The following CCNF variants were observed in gnomAD, a reference collection of about 807,000 sequenced individuals.
The protein encoded by CCNF is cyclin F.
In CCNF, 30 loss-of-function variants were observed where a neutral mutation model predicts 85.4. The ratio of observed to expected loss-of-function variants is 0.35; its 90% CI spans 0.26 to 0.48. The LOEUF is 0.48. Among genes scored for constraint, CCNF ranks in the 20% least tolerant of loss-of-function variants. CCNF has a pLI of 0.99. For synonymous variants in CCNF, 439 were observed against 425.1 expected (o/e 1.03, Z -0.40); for missense variants, 919 against 1,010.4 (o/e 0.91, Z 1.23).
Position 2,452,652 on chromosome 16 carries a change from T to C in CCNF, c.1488-558T>C, listed in dbSNP as rs1240521457. The C allele has an allele frequency of 6.5e-6, 1 of 153,706 alleles. No homozygotes were observed. Among genetic ancestry groups the C allele is most frequent in the Non-Finnish European group, 1.4e-5 (1 of 69,060 alleles). 9.5% of individuals were successfully genotyped at this position (153,706 alleles called of 1,614,324 possible). ...ACAATCAAATTGATGACATTTTCAC[T>C]TTCCCCAAAGGGACAACACACCCCT... On this transcript the variant is annotated intron_variant, in intron 13 of 16. Transcript: ENST00000397066. The surrounding 1 kb of genome is among the most constrained non-coding windows in gnomAD (Gnocchi z 4.1).
At position 2,443,724 on chromosome 16, in the gene CCNF, C is replaced by A; in HGVS notation, c.853C>A (p.Gln285Lys). The A allele has an allele frequency of 6.2e-7, 1 of 1,614,010 alleles. No individual in the cohort carries two copies. Among genetic ancestry groups the A allele is most frequent in the Non-Finnish European group, 8.5e-7 (1 of 1,179,890 alleles). Reference sequence around the variant, plus strand: ...GAGAGCTTCCAGTGAGATCGTCTGCCAGCTATTTCAGGCTTCCCAGGCTGT... The same window carrying A: ...GAGAGCTTCCAGTGAGATCGTCTGCAAGCTATTTCAGGCTTCCCAGGCTGT... Reference protein sequence around the residue: ...EVRASSEIVCQLFQASQAVSK... With the variant: ...EVRASSEIVCKLFQASQAVSK... Residue 285 changes from glutamine (Q) to lysine (K), a missense_variant, in exon 9 of 17, where the codon CAG (glutamine) becomes AAG (lysine). Around this residue, in one of 3 missense-constraint regions of CCNF, gnomAD observed 410 missense variants for 478.6 expected, o/e 0.86. Transcript: ENST00000397066.
chr16:2,449,941 T>C (rs2065385223), intron 13 of CCNF, 26 bp downstream of exon 13: 1 of 1,528,526 alleles, frequency 6.5e-7, no homozygotes, highest in Non-Finnish European at 9.1e-7. Flanking sequence ...GCGCAGAGGC[T>C]CATGCCTGTA....
intron 9 of CCNF, among the ~76,000 whole-genome samples, chr16:2,444,817 G>A (rs1351390384): frequency 6.6e-6 from 1 of 151,746 alleles, no homozygotes; most frequent in Non-Finnish European, 1.5e-5. Flanking sequence ...GGCTAGTCTT[G>A]AACTCCTGGG....
Position 2,456,595 on chromosome 16 carries a change from G to C in CCNF, c.1936G>C (p.Glu646Gln), listed in dbSNP as rs1387406238. Residue 646 changes from glutamate to glutamine, a missense_variant, in exon 17 of 17, where the codon GAA becomes CAA. By Grantham distance (29) the Glu-to-Gln change is conservative. Transcript: ENST00000397066. The surrounding 1 kb of genome is among the most constrained non-coding windows in gnomAD (Gnocchi z 4.5). ...LDVTVVYLNP[E>Q]QHCCQESSDE... ...TGTCACCGTGGTCTACCTGAACCCAGAACAGCATTGCTGCCAGGAATCCAG... is the reference window on the plus strand; with the variant it reads ...TGTCACCGTGGTCTACCTGAACCCACAACAGCATTGCTGCCAGGAATCCAG... The C allele has an allele frequency of 3.1e-6, 5 of 1,594,238 alleles. No homozygotes were observed. Among genetic ancestry groups the C allele is most frequent in the Non-Finnish European group, 4.3e-6 (5 of 1,171,672 alleles).
In CCNF at chr16:2,453,091, C is replaced by A; in HGVS notation, c.1488-119C>A. On this transcript the variant is annotated intron_variant, in intron 13 of 16. Coordinates refer to ENST00000397066, the MANE Select transcript of CCNF (RefSeq NM_001761.3). This position sits in a 1 kb window ranked among gnomAD's most constrained non-coding sequence, Gnocchi z 5.6. ...TGAGTTTAACCATTCGGGGAACTGC[C>A]AGGTCAGATTCCAGAGTGACTGCAC... The A allele has an allele frequency of 2.5e-6, 2 of 809,834 alleles. No individual in the cohort carries two copies. Among genetic ancestry groups the A allele is most frequent in the Non-Finnish European group, 4.2e-6 (2 of 475,340 alleles). 50.2% of individuals were successfully genotyped at this position (809,834 alleles called of 1,614,324 possible). A position where few individuals can be genotyped will look rare whatever the true frequency, so the allele number is the denominator to read the frequency against.
chr16:2,439,506 G>A lies in CCNF; in HGVS notation c.699+49G>A, dbSNP rs371399576. 782 of 1,339,040 alleles carry A rather than the reference G, an allele frequency of 5.8e-4. 9 individuals are homozygous for A. In the South Asian group the frequency reaches 8.8e-3, roughly 15 times the overall value. 82.9% of individuals were successfully genotyped at this position (1,339,040 alleles called of 1,614,324 possible). A position where few individuals can be genotyped will look rare whatever the true frequency, so the allele number is the denominator to read the frequency against. On this transcript the variant is annotated intron_variant, in intron 7 of 16. Coordinates refer to ENST00000397066, the MANE Select transcript of CCNF (RefSeq NM_001761.3). ...GGGGGGAGTTATGCTGGACAAAGGC[G>A]TAGTTGATGCTGGTCCTTGGATGCG... is the stretch of plus-strand genomic sequence containing the variant.
rs181011369 is a variant in CCNF, at chr16:2,442,168, A to G, written c.778-1481A>G. Among the ~76,000 whole-genome samples the G allele has an allele frequency of 5.1e-3, 724 of 143,264 alleles. 2 individuals carry two copies. The highest frequency in any genetic ancestry group is 7.6e-3 in the Non-Finnish European group (505 of 66,352). The allele number at this position is 143,264 out of a possible 152,430, so 94.0% of individuals were successfully genotyped here. On this transcript the variant is annotated intron_variant, in intron 8 of 16. Transcript: ENST00000397066. ...CTACAGGCATTGCACCACCACGCCCAGCTAAATTTTTTGTATTTTTAGTAG... is the reference window on the plus strand; with the variant it reads ...CTACAGGCATTGCACCACCACGCCCGGCTAAATTTTTTGTATTTTTAGTAG...
Position 2,456,361 on chromosome 16 carries a change from T to G in CCNF, c.1886-184T>G. The G allele has an allele frequency of 2.1e-6, 1 of 479,526 alleles. No individual in the cohort carries two copies. Among genetic ancestry groups the G allele is most frequent in the Non-Finnish European group, 3.6e-6 (1 of 274,330 alleles). 29.7% of individuals were successfully genotyped at this position (479,526 alleles called of 1,614,324 possible). A position where few individuals can be genotyped will look rare whatever the true frequency, so the allele number is the denominator to read the frequency against. ...GTCATCTCCACATTTGTTGGAGTCATGGCGGGCAGCTGTCCAACTTGGAAG... is the reference window on the plus strand; with the variant it reads ...GTCATCTCCACATTTGTTGGAGTCAGGGCGGGCAGCTGTCCAACTTGGAAG... On this transcript the variant is annotated intron_variant, in intron 16 of 16. Transcript: ENST00000397066. This position sits in a 1 kb window ranked among gnomAD's most constrained non-coding sequence, Gnocchi z 4.5.
At chr16:2,454,826 G>A (rs13334470) in intron 15 of CCNF, among the ~76,000 whole-genome samples, 17,719 of 152,164 alleles carry the variant, frequency 0.12, 1,094 homozygotes, top group African/African-American at 0.14. Context: ...TTGGGAGGCC[G>A]AGGTGGGCGG....
At chr16:2,449,129 C>T (rs764280724) in intron 11 of CCNF, 151 bp downstream of exon 11, 17 of 1,428,702 alleles carry the variant, frequency 1.2e-5, no homozygotes, top group Middle Eastern at 1.7e-4. Context: ...CAGGAGGCCA[C>T]GGTTGCACCA....
chr16:2,453,456 A>G lies in CCNF; in HGVS notation c.1634A>G (p.Asp545Gly). ...TGTGCTGCATTAGGAGTGACACAAG[A>G]CAGCCCCGACCCCCCGACTTTCCTC... Reference protein sequence around the residue: ...QLCAALGVTQDSPDPPTFLST... With the variant: ...QLCAALGVTQGSPDPPTFLST... The change falls in exon 15 of 17, where the codon GAC (aspartate) becomes GGC (glycine). Residue 545 changes from aspartate to glycine, a missense_variant. Coordinates refer to ENST00000397066, the MANE Select transcript of CCNF (RefSeq NM_001761.3). The surrounding 1 kb of genome is among the most constrained non-coding windows in gnomAD (Gnocchi z 5.6). 1 of 1,614,056 alleles carries G rather than the reference A, an allele frequency of 6.2e-7. No individual in the cohort carries two copies. Among genetic ancestry groups the G allele is most frequent in the Non-Finnish European group, 8.5e-7 (1 of 1,179,998 alleles).
chr16:2,446,443 A>T (rs2065362934), intron 10 of CCNF, among the ~76,000 whole-genome samples: 1 of 152,200 alleles, frequency 6.6e-6, no homozygotes, highest in South Asian at 2.1e-4. Context: ...GCGTCCTTAC[A>T]CGGCAGCCTG....
intron 2 of CCNF, among the ~76,000 whole-genome samples, chr16:2,432,273 G>C (rs2065266681): frequency 6.6e-6 from 1 of 152,114 alleles, no homozygotes; most frequent in Non-Finnish European, 1.5e-5. Context: ...CTAGATATTG[G>C]AACCATAGGC....
intron 13 of CCNF, among the ~76,000 whole-genome samples, chr16:2,450,796 G>C (rs912369989): frequency 3.9e-5 from 6 of 152,194 alleles, no homozygotes; most frequent in Non-Finnish European, 7.3e-5. Context: ...TTTTGCTCTG[G>C]CGGTGGCTGA....
chr16:2,457,042 A>G lies in CCNF; in HGVS notation c.*22A>G, dbSNP rs766120944. The G allele has an allele frequency of 1.3e-6, 2 of 1,538,402 alleles. No individual in the cohort carries two copies. Among genetic ancestry groups the G allele is most frequent in the African/African-American group, 2.7e-5 (2 of 73,424 alleles). ...GTAAGTGTGTCAGCACATTTGCCGC[A>G]GTGGATGTGTACTGAGGGGGCTGGA... is the stretch of plus-strand genomic sequence containing the variant. On this transcript the variant is annotated 3_prime_UTR_variant, in exon 17 of 17. Transcript: ENST00000397066.
chr16:2,456,422 AAC>A lies in CCNF; in HGVS notation c.1886-119_1886-118del. On this transcript the variant is annotated intron_variant, in intron 16 of 16. Transcript: ENST00000397066. The surrounding 1 kb of genome is among the most constrained non-coding windows in gnomAD (Gnocchi z 4.5). ...CCCACGCTTCTCACCACAGGAGGGT[AAC>A]ACAGGGGACCGTAGCAAGGTAGAAG... 1.6e-6 allele frequency: 1 copy of A among 623,914 alleles called. No homozygotes were observed. Among genetic ancestry groups the A allele is most frequent in the Non-Finnish European group, 2.6e-6 (1 of 379,042 alleles). 38.6% of individuals were successfully genotyped at this position (623,914 alleles called of 1,614,324 possible).
intron 16 of CCNF, 44 bp downstream of exon 16, chr16:2,455,608 G>C: frequency 6.4e-7 from 1 of 1,554,202 alleles, no homozygotes; most frequent in Non-Finnish European, 8.8e-7. Flanking sequence ...ATCACACAGA[G>C]GGTGGCTCTC....
chr16:2,443,346 G>A (rs1017198022), intron 8 of CCNF, among the ~76,000 whole-genome samples: 2 of 151,466 alleles, frequency 1.3e-5, no homozygotes, highest in Non-Finnish European at 2.9e-5. Context: ...GCACTGGGGC[G>A]TATGGCCAGA....
At position 2,456,800 on chromosome 16, in the gene CCNF, T is replaced by C; in HGVS notation, c.2141T>C (p.Val714Ala). 6.2e-7 allele frequency: 1 copy of C among 1,613,872 alleles called. No individual in the cohort carries two copies. Among genetic ancestry groups the C allele is most frequent in the Non-Finnish European group, 8.5e-7 (1 of 1,179,952 alleles). The change falls in exon 17 of 17, where the codon GTG (valine) becomes GCG (alanine). Residue 714 changes from valine (V) to alanine (A), a missense_variant. By Grantham distance (64) the Val-to-Ala change is moderately conservative. Transcript: ENST00000397066. The surrounding 1 kb of genome is among the most constrained non-coding windows in gnomAD (Gnocchi z 4.5). ...AGCACCGCAAGTCCCACAAGCTCCG[T>C]GGACGGTGGCTTGGGGGCCCTGCCC... ...SVSTASPTSS[V>A]DGGLGALPQP...
Sources: allele counts gnomAD v4.1 joint callset (sites outside exome capture counted in the v4.1 genomes callset), GRCh38; gene constraint gnomAD v4.1.1; regional missense constraint gnomAD v4.1.1; non-coding constraint Gnocchi (gnomAD v3.1); transcripts MANE v1.5; gene names NCBI Gene and HGNC (gene_info 2026-07-23, HGNC 2026-07-21).